Variants in DROSHA observed in about 807,000 individuals in gnomAD.
The protein encoded by DROSHA is drosha ribonuclease III.
A neutral mutation model predicts 181.9 loss-of-function variants in DROSHA; 56 were observed. The ratio of observed to expected loss-of-function variants is 0.31; its 90% CI spans 0.25 to 0.38. The LOEUF (loss-of-function observed/expected upper bound fraction) is 0.38, where lower values mean the gene tolerates loss of function less well. Among genes scored for constraint, DROSHA ranks in the 10% least tolerant of loss-of-function variants. The probability of loss-of-function intolerance (pLI) is 1.00; values close to 1 mark genes in which losing one functional copy is unlikely to be tolerated. For synonymous variants in DROSHA, 524 were observed against 591.2 expected (o/e 0.89, Z 1.65); for missense variants, 1,218 against 1,743.5 (o/e 0.70, Z 5.37).
chr5:31,498,317 T>G (rs1270386184), intron 11 of DROSHA, among the ~76,000 whole-genome samples: 5 of 152,198 alleles, frequency 3.3e-5, no homozygotes, highest in Admixed American at 6.5e-5. Flanking sequence ...TTAAGGATCT[T>G]TCTAGATCTA....
rs572036380 is a variant in DROSHA at position 31,410,719 on chromosome 5, G to A, written c.3667+27C>T. 71 of 1,605,638 alleles carry A rather than the reference G, an allele frequency of 4.4e-5. No homozygotes were observed. In the South Asian group the frequency reaches 5.3e-4, roughly 12 times the overall value. On this transcript the variant is annotated intron_variant, in intron 31 of 35. Coordinates refer to ENST00000344624, the MANE Select transcript of DROSHA (RefSeq NM_001382508.1). ...TTGGACTTAAACTCTGAACCTGGAGGTTGAGAGAAAAGTGTGTGGCACTCA... is the reference window on the plus strand; with the variant it reads ...TTGGACTTAAACTCTGAACCTGGAGATTGAGAGAAAAGTGTGTGGCACTCA...
intron 27 of DROSHA, among the ~76,000 whole-genome samples, chr5:31,426,488 A>G (rs1270490532): frequency 2.6e-5 from 4 of 152,224 alleles, no homozygotes; most frequent in Non-Finnish European, 5.9e-5. Context: ...ATATATACAT[A>G]TAAGTGTTAG....
rs567501409 is a variant in DROSHA at position 31,451,169 on chromosome 5, T to C, written c.2682+364A>G. On this transcript the variant is annotated intron_variant, in intron 21 of 35. Coordinates refer to ENST00000344624, the MANE Select transcript of DROSHA (RefSeq NM_001382508.1). ...GTGGGCCGAGATCACGCCATTGCAC[T>C]CCAGCCTGGGAAACAAGAGCGAAAC... Among the ~76,000 whole-genome samples the C allele has an allele frequency of 1.1e-4, 17 of 151,806 alleles. No homozygotes were observed. In the South Asian group the frequency reaches 3.5e-3, roughly 32 times the overall value.
At chr5:31,433,430 G>A (rs1744415130) in intron 25 of DROSHA, among the ~76,000 whole-genome samples, 1 of 152,188 alleles carries the variant, frequency 6.6e-6, no homozygotes, top group South Asian at 2.1e-4. Flanking sequence ...CAGACCGCAA[G>A]CCATATTTTA....
rs564476649 is a variant in DROSHA at position 31,454,913 on chromosome 5, C to A, written c.2575-3273G>T. 1.5e-4 allele frequency among the ~76,000 whole-genome samples: 21 copies of A among 142,764 alleles called. 1 individual carries two copies. The East Asian group carries it at 2.3e-3, about 15-fold the overall frequency. The allele number at this position is 142,764 out of a possible 152,430, so 93.7% of individuals were successfully genotyped here. On this transcript the variant is annotated intron_variant, in intron 20 of 35. Transcript: ENST00000344624. ...CGAGATCGTGCCACTGCACTCCAGC[C>A]TGGGCGACAGAGAGAGACTCTGTCT... is the stretch of plus-strand genomic sequence containing the variant.
At chr5:31,480,203 T>TATATAC (rs1345858192) in intron 16 of DROSHA, among the ~76,000 whole-genome samples, 2 of 140,192 alleles carry the variant, frequency 1.4e-5, no homozygotes, top group Non-Finnish European at 1.6e-5. Flanking sequence ...TATATATATA[T>TATATAC]ACTGAAAATA....
intron 17 of DROSHA, among the ~76,000 whole-genome samples, chr5:31,468,562 C>T (rs568711597): frequency 1.3e-4 from 20 of 152,246 alleles, no homozygotes; most frequent in African/African-American, 4.8e-4. Context: ...AATAGTTAAG[C>T]TTCTTTTATT....
At chr5:31,490,121 C>T (rs1752231627) in intron 13 of DROSHA, among the ~76,000 whole-genome samples, 1 of 151,746 alleles carries the variant, frequency 6.6e-6, no homozygotes, top group South Asian at 2.1e-4. Context: ...GGTGATCTGC[C>T]CGCCTCAGCC....
At chr5:31,507,570 T>G (rs531677998) in intron 10 of DROSHA, among the ~76,000 whole-genome samples, 13 of 152,088 alleles carry the variant, frequency 8.5e-5, no homozygotes, top group African/African-American at 3.1e-4. Context: ...GAGCCGTTAT[T>G]GCGCCAGTGC....
intron 16 of DROSHA, among the ~76,000 whole-genome samples, chr5:31,474,700 G>A (rs898510502): frequency 6.6e-6 from 1 of 152,138 alleles, no homozygotes; most frequent in Non-Finnish European, 1.5e-5. Context: ...GATGATATTA[G>A]GAGGTGGGGC....
rs1748764177 is a variant in DROSHA at position 31,464,328 on chromosome 5, T to G, written c.2482A>C (p.Ile828Leu). ...LAQREEALQK[I>L]RQKNTMRREV... is the part of the protein sequence containing the mutation. The stretch of plus-strand genomic sequence containing the variant: ...CGTCTCATTGTATTCTTCTGCCGTA[T>G]TTTTTGGAGGGCTTCCTAGAAAAGA... Residue 828 changes from isoleucine (I) to leucine (L), a missense_variant, in exon 20 of 36, where the codon ATA (isoleucine) becomes CTA (leucine). Transcript: ENST00000344624. 6.2e-7 allele frequency: 1 copy of G among 1,612,978 alleles called. No homozygotes were observed. Among genetic ancestry groups the G allele is most frequent in the Non-Finnish European group, 8.5e-7 (1 of 1,179,494 alleles).
intron 23 of DROSHA, among the ~76,000 whole-genome samples, chr5:31,445,783 C>G (rs993260259): frequency 6.6e-6 from 1 of 152,188 alleles, no homozygotes; most frequent in Non-Finnish European, 1.5e-5. Context: ...ACCTTCTTTA[C>G]TCTGATAAAA....
Position 31,448,606 on chromosome 5 carries a change from C to A in DROSHA, c.2823G>T (p.Gly941=). 6 of 1,612,208 alleles carry A rather than the reference C, an allele frequency of 3.7e-6. No homozygotes were observed. The highest frequency in any genetic ancestry group is 5.1e-6 in the Non-Finnish European group (6 of 1,178,830). The change falls in exon 23 of 36, where the codon GGG becomes GGT. Residue 941 remains glycine, a splice_region_variant and synonymous_variant. Coordinates refer to ENST00000344624, the MANE Select transcript of DROSHA (RefSeq NM_001382508.1). The part of the protein sequence containing the change: ...KVHHMHMRKK[G]INTLINIMSR... Reference sequence around the variant, plus strand: ...ACATGATATTTATCAAGGTGTTAATCCCTATTTAAAATAAAAAACAAATAC... The same window carrying A: ...ACATGATATTTATCAAGGTGTTAATACCTATTTAAAATAAAAAACAAATAC...
intron 33 of DROSHA, among the ~76,000 whole-genome samples, chr5:31,408,274 T>C (rs1054056913): frequency 6.6e-6 from 1 of 152,202 alleles, no homozygotes; most frequent in African/African-American, 2.4e-5. Flanking sequence ...TGCATCCACA[T>C]GGGGTGAAAC....
intron 11 of DROSHA, among the ~76,000 whole-genome samples, chr5:31,501,301 T>C (rs1012148928): frequency 5.9e-5 from 9 of 152,090 alleles, no homozygotes; most frequent in African/African-American, 1.9e-4. Context: ...TGACTTACAG[T>C]GGGTCTACTG....
chr5:31,453,331 G>A (rs916090395), intron 20 of DROSHA, among the ~76,000 whole-genome samples: 1 of 152,128 alleles, frequency 6.6e-6, no homozygotes, highest in African/African-American at 2.4e-5. Flanking sequence ...AACCCCAGTA[G>A]CTGGGACTAC....
chr5:31,431,681 A>G lies in DROSHA; in HGVS notation c.3043-3T>C, dbSNP rs757365387. The G allele has an allele frequency of 1.2e-6, 2 of 1,613,628 alleles. No homozygotes were observed. Among genetic ancestry groups the G allele is most frequent in the Non-Finnish European group, 1.7e-6 (2 of 1,179,724 alleles). On this transcript the variant is annotated splice_region_variant and splice_polypyrimidine_tract_variant and intron_variant, in intron 25 of 35. Coordinates refer to ENST00000344624, the MANE Select transcript of DROSHA (RefSeq NM_001382508.1). ...ATAAATCGATCCAGTTCAAGTTTCT[A>G]CAAAATTCACAATGACAAAACGTAA...
At chr5:31,472,299 ACTG>A in intron 16 of DROSHA, 67 bp from the exon 17 acceptor site, 1 of 1,483,016 alleles carries the variant, frequency 6.7e-7, no homozygotes, top group Admixed American at 2.3e-5. Flanking sequence ...CAAATCAACA[ACTG>A]AATAAGGAAA....
intron 26 of DROSHA, among the ~76,000 whole-genome samples, chr5:31,431,296 A>C (rs187873251): frequency 1.2e-3 from 168 of 139,626 alleles, no homozygotes; most frequent in Admixed American, 4.6e-3. Context: ...AACTCACCTC[A>C]TTTCAATTCA....
Sources: gnomAD v4.1 joint callset for allele counts (sites outside exome capture counted in the v4.1 genomes callset) on GRCh38, gnomAD v4.1.1 for gene constraint, MANE v1.5 for transcripts, NCBI Gene and HGNC (gene_info 2026-07-23, HGNC 2026-07-21) for gene names.